Variants in ADGRL2 observed in about 807,000 individuals in gnomAD.
ADGRL2 encodes the protein adhesion G protein-coupled receptor L2, also known as calcium-independent alpha-latrotoxin receptor 2.
In ADGRL2, 44 loss-of-function variants were observed where a neutral mutation model predicts 157.4. The ratio of observed to expected loss-of-function variants is 0.28; its 90% confidence interval spans 0.22 to 0.36. The LOEUF (loss-of-function observed/expected upper bound fraction) is 0.36, where lower values mean the gene tolerates loss of function less well. ADGRL2 is among the 10% of genes least tolerant of loss of function. The pLI is 1.00. For synonymous variants in ADGRL2, 585 were observed against 624.7 expected, an observed-to-expected ratio of 0.94 and a Z score of 0.95; for missense variants, 1,510 against 1,768.9, an observed-to-expected ratio of 0.85 and a Z score of 2.63.
At chr1:81,751,798 T>C (rs1274722851) in intron 1 of ADGRL2, among the ~76,000 whole-genome samples, 2 of 152,236 alleles carry the variant, frequency 1.3e-5, no homozygotes, top group Non-Finnish European at 2.9e-5. Context: ...TATCATATCA[T>C]GTTGACACAT....
intron 1 of ADGRL2, among the ~76,000 whole-genome samples, chr1:81,410,261 T>G (rs2076925253): frequency 6.6e-6 from 1 of 152,220 alleles, no homozygotes; most frequent in East Asian, 1.9e-4. Context: ...CTTTAAAAAG[T>G]AAAGAGTTAA....
chr1:81,676,749 C>T (rs998568400), intron 3 of ADGRL2, among the ~76,000 whole-genome samples: 6 of 151,874 alleles, frequency 4.0e-5, no homozygotes, highest in African/African-American at 9.7e-5. Context: ...TGCAGTGGCG[C>T]GTTCTCAGCT....
At chr1:81,739,828 G>A (rs976060978) in intron 1 of ADGRL2, among the ~76,000 whole-genome samples, 6 of 152,146 alleles carry the variant, frequency 3.9e-5, no homozygotes, top group Admixed American at 2.6e-4. Context: ...GGCATTAGGG[G>A]TGCCTTAGCA....
intron 1 of ADGRL2, among the ~76,000 whole-genome samples, chr1:81,308,452 T>C (rs561576741): frequency 1.3e-5 from 2 of 152,288 alleles, no homozygotes; most frequent in East Asian, 1.9e-4. Flanking sequence ...TGCCTGATTA[T>C]GTGAACTTGA....
At chr1:81,844,462 A>G (rs2092711146) in intron 2 of ADGRL2, among the ~76,000 whole-genome samples, 2 of 152,226 alleles carry the variant, frequency 1.3e-5, no homozygotes, top group Non-Finnish European at 2.9e-5. Context: ...TCTGAAGACC[A>G]CATCAGAAGA....
At chr1:81,746,440 C>T (rs1340724641) in intron 1 of ADGRL2, among the ~76,000 whole-genome samples, 1 of 152,058 alleles carries the variant, frequency 6.6e-6, no homozygotes, top group Non-Finnish European at 1.5e-5. Context: ...CAGATGCCCA[C>T]AACCACACCT....
intron 1 of ADGRL2, among the ~76,000 whole-genome samples, chr1:81,737,672 G>A (rs953469072): frequency 6.6e-6 from 1 of 152,108 alleles, no homozygotes; most frequent in African/African-American, 2.4e-5. Flanking sequence ...TAAGGTCAGG[G>A]TATATGTTTA....
intron 22 of ADGRL2, among the ~76,000 whole-genome samples, 191 bp from the exon 23 acceptor site, chr1:81,987,678 A>C (rs546539326): frequency 1.3e-5 from 2 of 151,796 alleles, no homozygotes; most frequent in East Asian, 3.9e-4. Context: ...TATTAACAGA[A>C]TTTTCAAGAT....
chr1:81,676,925 G>A (rs1320106049), intron 3 of ADGRL2, among the ~76,000 whole-genome samples: 2 of 148,660 alleles, frequency 1.3e-5, no homozygotes, highest in East Asian at 2.1e-4. Context: ...TCCTGACCTC[G>A]TGATCTGCCC....
chr1:81,356,099 A>G lies in ADGRL2; in HGVS notation c.-302+49590A>G, dbSNP rs569619581. On this transcript the variant is annotated intron_variant, in intron 1 of 24. Transcript: ENST00000370721. The stretch of plus-strand genomic sequence containing the variant: ...GATTTGCCAGTGGGAAGAGATAAGA[A>G]AAACCTGAGATGGCCTGGAGGACAA... Among the ~76,000 whole-genome samples the G allele has an allele frequency of 7.2e-5, 11 of 152,298 alleles. 1 individual carries two copies. The highest frequency in any genetic ancestry group is 2.4e-4 in the African/African-American group (10 of 41,572).
At chr1:81,724,245 A>T (rs1243024873) in intron 1 of ADGRL2, among the ~76,000 whole-genome samples, 1 of 152,196 alleles carries the variant, frequency 6.6e-6, no homozygotes, top group African/African-American at 2.4e-5. Context: ...ACATCTTGTC[A>T]TATCAAAAGA....
intron 1 of ADGRL2, among the ~76,000 whole-genome samples, chr1:81,318,567 G>A (rs558269430): frequency 1.3e-5 from 2 of 152,126 alleles, no homozygotes; most frequent in East Asian, 1.9e-4. Context: ...TAAAGTAGTT[G>A]AATAAATGGT....
chr1:81,444,762 G>A (rs12026038), intron 1 of ADGRL2, among the ~76,000 whole-genome samples: 3,599 of 152,260 alleles, frequency 0.024, 72 homozygotes, highest in African/African-American at 0.042. Flanking sequence ...TCCCCTCTGG[G>A]TTCAGTCACG....
At position 81,757,879 on chromosome 1, in the gene ADGRL2, C is replaced by T. The variant is rs371505950; in HGVS notation, c.-142-3932C>T. Among the ~76,000 whole-genome samples, 57 of 152,222 alleles carry T rather than the reference C, an allele frequency of 3.7e-4. 2 individuals are homozygous for T. The highest frequency in any genetic ancestry group is 3.3e-3 in the East Asian group (17 of 5,172). ...AGTAAGATTAGATACTGTGCAAGAC[C>T]GTCAGTGAGCCCCTTGGTTCCTTCA... On this transcript the variant is annotated intron_variant, in intron 1 of 20. Transcript: ENST00000359929.
chr1:81,577,280 G>T (rs2080816753), intron 2 of ADGRL2, among the ~76,000 whole-genome samples: 1 of 152,104 alleles, frequency 6.6e-6, no homozygotes, highest in African/African-American at 2.4e-5. Context: ...AGTTCTCTTG[G>T]CCACACTCAC....
intron 1 of ADGRL2, among the ~76,000 whole-genome samples, chr1:81,432,824 G>T (rs1426823673): frequency 6.6e-6 from 1 of 152,138 alleles, no homozygotes; most frequent in Non-Finnish European, 1.5e-5. Flanking sequence ...AAGGCTTGGG[G>T]CGGCATGGGG....
chr1:81,424,564 C>G (rs902728803), intron 1 of ADGRL2, among the ~76,000 whole-genome samples: 1 of 152,142 alleles, frequency 6.6e-6, no homozygotes, highest in African/African-American at 2.4e-5. Context: ...AAATAACTGC[C>G]TCTATCATTG....
intron 1 of ADGRL2, among the ~76,000 whole-genome samples, chr1:81,309,122 C>T (rs780806140): frequency 1.3e-4 from 20 of 152,102 alleles, no homozygotes; most frequent in Non-Finnish European, 2.1e-4. Context: ...TAGAAACTTG[C>T]GACCCTGCTT....
chr1:81,600,549 A>T (rs534125248), intron 3 of ADGRL2, among the ~76,000 whole-genome samples: 1 of 152,356 alleles, frequency 6.6e-6, no homozygotes, highest in African/African-American at 2.4e-5. Flanking sequence ...TTGCTGCCTG[A>T]TTTGCAGTTC....
Sources: gnomAD v4.1 joint callset for allele counts (sites outside exome capture counted in the v4.1 genomes callset) on GRCh38, gnomAD v4.1.1 for gene constraint, MANE v1.5 for transcripts, NCBI Gene and HGNC (gene_info 2026-07-23, HGNC 2026-07-21) for gene names.